Variants in ARHGAP15 observed in about 807,000 individuals in gnomAD.
The protein encoded by ARHGAP15 is Rho GTPase activating protein 15.
ARHGAP15 carries 51 observed loss-of-function variants against 63.7 expected under a neutral mutation model. That is an observed-to-expected ratio of 0.80 (90% CI 0.64 to 1.01). The LOEUF (loss-of-function observed/expected upper bound fraction) is 1.01, where lower values mean the gene tolerates loss of function less well. Among genes scored for constraint, ARHGAP15 ranks in the 50% least tolerant of loss-of-function variants. ARHGAP15 has a pLI of 0.00. For missense variants in ARHGAP15, 560 were observed against 564.6 expected (o/e 0.99, Z 0.08); for synonymous variants, 191 against 193.8 (o/e 0.99, Z 0.12).
At chr2:143,157,014 G>T (rs1003797908) in intron 2 of ARHGAP15, among the ~76,000 whole-genome samples, 2 of 151,844 alleles carry the variant, frequency 1.3e-5, no homozygotes, top group African/African-American at 4.8e-5. Context: ...ATATTTTATT[G>T]GCTGTGTTTA....
At chr2:143,508,808 A>C (rs530325769) in intron 9 of ARHGAP15, among the ~76,000 whole-genome samples, 1 of 152,356 alleles carries the variant, frequency 6.6e-6, no homozygotes, top group South Asian at 2.1e-4. Flanking sequence ...TGCCTACTGC[A>C]CTAGTCAGAC....
chr2:143,614,522 G>T (rs1698384866), intron 11 of ARHGAP15, among the ~76,000 whole-genome samples: 1 of 152,114 alleles, frequency 6.6e-6, no homozygotes, highest in South Asian at 2.1e-4. Context: ...AATGCTGTGT[G>T]TGTATACATA....
intron 8 of ARHGAP15, among the ~76,000 whole-genome samples, chr2:143,462,186 G>C (rs1690975719): frequency 6.6e-6 from 1 of 151,992 alleles, no homozygotes; most frequent in South Asian, 2.1e-4. Flanking sequence ...CTTATTACCA[G>C]GTGCACATGA....
At chr2:143,616,422 A>G (rs1364586556) in intron 11 of ARHGAP15, among the ~76,000 whole-genome samples, 1 of 152,168 alleles carries the variant, frequency 6.6e-6, no homozygotes, top group East Asian at 1.9e-4. Flanking sequence ...CTTCCAAGAG[A>G]GTAACTAAAG....
chr2:143,269,099 A>G (rs972957208), intron 6 of ARHGAP15, among the ~76,000 whole-genome samples: 3 of 152,174 alleles, frequency 2.0e-5, no homozygotes, highest in African/African-American at 7.2e-5. Context: ...CTATGCTAAC[A>G]TCTTCAAATA....
intron 13 of ARHGAP15, among the ~76,000 whole-genome samples, chr2:143,715,426 C>G (rs1480581388): frequency 1.3e-5 from 2 of 152,160 alleles, no homozygotes; most frequent in Non-Finnish European, 2.9e-5. Context: ...CAGACTAGTA[C>G]TAGGAAATAT....
At chr2:143,607,618 G>A (rs1337556026) in intron 11 of ARHGAP15, 1 of 151,786 alleles carries the variant, frequency 6.6e-6, no homozygotes, top group Non-Finnish European at 1.5e-5. Flanking sequence ...AGCTTCAGAG[G>A]TCCGAATTTG....
At chr2:143,693,371 TCA>T (rs1331900024) in intron 12 of ARHGAP15, among the ~76,000 whole-genome samples, 2 of 152,224 alleles carry the variant, frequency 1.3e-5, no homozygotes, top group African/African-American at 4.8e-5. Context: ...GCTTAAATTG[TCA>T]CATTCTTCTT....
intron 9 of ARHGAP15, among the ~76,000 whole-genome samples, chr2:143,509,439 A>T (rs1693479975): frequency 6.6e-6 from 1 of 152,222 alleles, no homozygotes; most frequent in African/African-American, 2.4e-5. Context: ...ATGTAACATA[A>T]AGCAGCAACC....
chr2:143,142,367 G>C (rs1343722182), intron 1 of ARHGAP15, among the ~76,000 whole-genome samples: 1 of 152,006 alleles, frequency 6.6e-6, no homozygotes, highest in African/African-American at 2.4e-5. Flanking sequence ...TGTGAAAAAA[G>C]CATCCATTTA....
At chr2:143,463,555 G>T (rs764022820) in intron 8 of ARHGAP15, among the ~76,000 whole-genome samples, 6 of 141,830 alleles carry the variant, frequency 4.2e-5, no homozygotes, top group Non-Finnish European at 9.3e-5. Context: ...GGTGGGGGGG[G>T]AAGATGTCTT....
intron 6 of ARHGAP15, among the ~76,000 whole-genome samples, chr2:143,330,275 T>C (rs1188676862): frequency 1.3e-5 from 2 of 151,818 alleles, no homozygotes; most frequent in African/African-American, 4.8e-5. Flanking sequence ...ATATAAATAA[T>C]ATGGTGTAAT....
chr2:143,153,782 C>T (rs1445703002), intron 1 of ARHGAP15, among the ~76,000 whole-genome samples: 1 of 24,832 alleles, frequency 4.0e-5, no homozygotes, highest in Non-Finnish European at 8.8e-5. Flanking sequence ...AATAAATCTT[C>T]TTCTTCTTCT....
intron 10 of ARHGAP15, among the ~76,000 whole-genome samples, chr2:143,543,200 A>G (rs1695180154): frequency 6.6e-6 from 1 of 152,036 alleles, no homozygotes; most frequent in African/African-American, 2.4e-5. Context: ...ATCCTTGCCA[A>G]CACTTGTTAT....
rs556570796 is a variant in ARHGAP15, at chr2:143,682,174, A to AT, written c.1139-21237dup. ...TTTAACAATCTATAAATAATTGATA[A>AT]TTTTTTTTCTTTCATCTTCCTTCCT... On this transcript the variant is annotated intron_variant, in intron 12 of 13. Transcript: ENST00000295095. Among the ~76,000 whole-genome samples, 3 of 152,006 alleles carry AT rather than the reference A, an allele frequency of 2.0e-5. No homozygotes were observed. The South Asian group carries it at 6.2e-4, about 32-fold the overall frequency.
intron 6 of ARHGAP15, among the ~76,000 whole-genome samples, chr2:143,387,905 G>A (rs1428471295): frequency 3.6e-5 from 5 of 138,960 alleles, no homozygotes; most frequent in African/African-American, 1.0e-4. Flanking sequence ...ATACACGCAT[G>A]CCTGCACACA....
intron 8 of ARHGAP15, among the ~76,000 whole-genome samples, chr2:143,467,778 GTC>G (rs1199992513): frequency 6.6e-6 from 1 of 152,090 alleles, no homozygotes; most frequent in African/African-American, 2.4e-5. Context: ...GTTTTACTGA[GTC>G]TATTGCTAAT....
intron 6 of ARHGAP15, among the ~76,000 whole-genome samples, chr2:143,338,056 G>A (rs1684885918): frequency 6.6e-6 from 1 of 152,134 alleles, no homozygotes; most frequent in Non-Finnish European, 1.5e-5. Context: ...AAGATATGGT[G>A]AGCATTAATC....
intron 11 of ARHGAP15, among the ~76,000 whole-genome samples, chr2:143,566,451 A>G (rs1268347107): frequency 2.6e-5 from 4 of 152,110 alleles, no homozygotes; most frequent in Non-Finnish European, 4.4e-5. Context: ...TGACCTTTCC[A>G]TTCACATGGA....
Sources: gnomAD v4.1 joint callset for allele counts (sites outside exome capture counted in the v4.1 genomes callset) on GRCh38, gnomAD v4.1.1 for gene constraint, MANE v1.5 for transcripts, NCBI Gene and HGNC (gene_info 2026-07-23, HGNC 2026-07-21) for gene names.